ZFHX3: variants seen among roughly 807,000 people sequenced by gnomAD.
ZFHX3 encodes zinc finger homeobox protein 3.
Under a neutral mutation model 279.1 loss-of-function variants are expected in ZFHX3, and 42 were observed. The ratio of observed to expected loss-of-function variants is 0.15; its 90% confidence interval spans 0.12 to 0.19. The LOEUF (loss-of-function observed/expected upper bound fraction) is 0.19, where lower values mean the gene tolerates loss of function less well. Ranked by LOEUF, ZFHX3 falls within the 10% of genes least tolerant of loss-of-function variation. ZFHX3 has a pLI of 1.00. For missense variants in ZFHX3, 4,981 were observed against 4,754.0 expected (o/e 1.05, Z -1.40); for synonymous variants, 2,293 against 1,957.8 (o/e 1.17, Z -4.52).
chr16:73,730,324 T>C, intron 1 of ZFHX3, among the ~76,000 whole-genome samples: 1 of 92,074 alleles, frequency 1.1e-5, no homozygotes, highest in African/African-American at 4.6e-5. Context: ...CACTCAATGA[T>C]CAACCCTTGA....
At chr16:73,834,506 CTGA>C (rs1961086096) in intron 1 of ZFHX3, among the ~76,000 whole-genome samples, 2 of 152,208 alleles carry the variant, frequency 1.3e-5, no homozygotes, top group African/African-American at 4.8e-5. Flanking sequence ...CCCAGATTTA[CTGA>C]TCAGTTAAAT....
intron 4 of ZFHX3, among the ~76,000 whole-genome samples, chr16:73,266,760 G>A (rs1190603686): frequency 6.6e-6 from 1 of 152,214 alleles, no homozygotes; most frequent in Non-Finnish European, 1.5e-5. Context: ...AAGATGTCAC[G>A]GTTTTATAAG....
At chr16:73,851,743 A>G (rs531039449) in intron 1 of ZFHX3, among the ~76,000 whole-genome samples, 117 of 152,306 alleles carry the variant, frequency 7.7e-4, no homozygotes, top group African/African-American at 2.5e-3. Context: ...CTAAATTGAT[A>G]TATCTTGTGT....
rs139895950 is a variant in ZFHX3, at chr16:72,795,932, C to T, written c.6750G>A (p.Thr2250=). 1.7e-3 allele frequency: 2,796 copies of T among 1,614,098 alleles called. 4 individuals carry two copies. Among genetic ancestry groups the T allele is most frequent in the Non-Finnish European group, 1.8e-3 (2,107 of 1,180,022 alleles). The change falls in exon 9 of 10, where the codon ACG becomes ACA. Residue 2250 remains threonine (T), a synonymous_variant. Transcript: ENST00000268489. ...GSKRSSRTRF[T]DYQLRVLQDF... ...CCTGTAAGACCCTCAGCTGGTAGTC[C>T]GTAAACCTTGTTCTTGAAGACCTCT...
intron 8 of ZFHX3, among the ~76,000 whole-genome samples, chr16:73,075,717 T>A (rs1965880388): frequency 3.3e-5 from 5 of 151,774 alleles, no homozygotes. Context: ...CACTGCAACC[T>A]CCGCCTCCTG....
chr16:72,803,304 C>T (rs1221663678), intron 7 of ZFHX3, among the ~76,000 whole-genome samples: 1 of 152,132 alleles, frequency 6.6e-6, no homozygotes, highest in Non-Finnish European at 1.5e-5. Flanking sequence ...TGCACTCCAG[C>T]CTGGGCGACA....
At chr16:73,455,226 A>T (rs980942330) in intron 3 of ZFHX3, among the ~76,000 whole-genome samples, 6 of 152,236 alleles carry the variant, frequency 3.9e-5, no homozygotes, top group Non-Finnish European at 8.8e-5. Context: ...AGTTCATAAA[A>T]ATAGCACCTC....
At chr16:72,993,045 A>C (rs921988662) in intron 1 of ZFHX3, among the ~76,000 whole-genome samples, 2 of 152,250 alleles carry the variant, frequency 1.3e-5, no homozygotes, top group African/African-American at 4.8e-5. Context: ...CTGAGGCAGG[A>C]GAATCGCTTG....
At chr16:72,799,615 A>G (rs1389335155) in intron 8 of ZFHX3, among the ~76,000 whole-genome samples, 1 of 152,202 alleles carries the variant, frequency 6.6e-6, no homozygotes, top group Non-Finnish European at 1.5e-5. Flanking sequence ...AGCCAATCCC[A>G]AAAAACTCAG....
At chr16:72,895,932 A>G (rs2038889271) in intron 3 of ZFHX3, among the ~76,000 whole-genome samples, 1 of 152,236 alleles carries the variant, frequency 6.6e-6, no homozygotes, top group Non-Finnish European at 1.5e-5. Context: ...GCACCTGCAA[A>G]AGACTGGATC....
In ZFHX3 at chr16:73,134,331, C is replaced by CTTT. The variant is rs58052486; in HGVS notation, c.-1023-3240_-1023-3238dup. ...ACCTTCCGTGTTAGTCTCCCCACCT[C>CTTT]TTTTTTTTTTTTTTTTTTTTTTTTT... On this transcript the variant is annotated intron_variant, in intron 6 of 17. Transcript: ENST00000641206. Among the ~76,000 whole-genome samples the CTTT allele has an allele frequency of 1.7e-3, 88 of 50,312 alleles. 6 individuals carry two copies. Among genetic ancestry groups the CTTT allele is most frequent in the East Asian group, 8.0e-3 (13 of 1,616 alleles). 33.0% of individuals were successfully genotyped at this position (50,312 alleles called of 152,430 possible).
chr16:73,127,361 C>T, intron 7 of ZFHX3: 1 of 1,305,366 alleles, frequency 7.7e-7, no homozygotes. Context: ...AAAGTCAATT[C>T]CACTTAACTG....
intron 2 of ZFHX3, among the ~76,000 whole-genome samples, chr16:73,671,510 T>A (rs1352438425): frequency 6.6e-6 from 1 of 152,236 alleles, no homozygotes; most frequent in Non-Finnish European, 1.5e-5. Flanking sequence ...AAACCTTTAA[T>A]TTAATGCATA....
At chr16:73,663,343 G>A (rs915461114) in intron 2 of ZFHX3, among the ~76,000 whole-genome samples, 14 of 152,160 alleles carry the variant, frequency 9.2e-5, no homozygotes, top group African/African-American at 2.4e-4. Context: ...AGCAGGTCAC[G>A]ATCTAAAGAC....
At chr16:73,472,178 C>G (rs1347826433) in intron 2 of ZFHX3, among the ~76,000 whole-genome samples, 2 of 151,660 alleles carry the variant, frequency 1.3e-5, no homozygotes, top group Non-Finnish European at 2.9e-5. Flanking sequence ...TGAGAAAACA[C>G]CCAGGGAGAA....
chr16:73,265,078 C>CGT (rs72075949), intron 4 of ZFHX3, among the ~76,000 whole-genome samples: 5,832 of 145,900 alleles, frequency 0.04, 263 homozygotes, highest in African/African-American at 0.11. Context: ...CGCATATATG[C>CGT]GTGTGTGTGT....
rs776585287 is a variant in ZFHX3, at chr16:72,787,850, C to G, written c.10426G>C (p.Asp3476His). 3 of 1,613,938 alleles carry G rather than the reference C, an allele frequency of 1.9e-6. No individual in the cohort carries two copies. The Admixed American group carries it at 5.0e-5, about 27-fold the overall frequency. The change falls in exon 10 of 10, where the codon GAC becomes CAC. Residue 3476 changes from aspartate (D) to histidine (H), a missense_variant. By Grantham distance (81) the Asp-to-His change is moderately conservative. Around this residue, in one of 7 missense-constraint regions of ZFHX3, gnomAD observed 1,034 missense variants for 786.0 expected, o/e 1.32. Coordinates refer to ENST00000268489, the MANE Select transcript of ZFHX3 (RefSeq NM_006885.4). ...AGGTGGCTCCTCGCTGCCTCCTCGT[C>G]GCTGAAGCCCGCCTGGCACTTGCGG... ...VCRKCQAGFS[D>H]EEAARSHLKS... is the part of the protein sequence containing the mutation.
At chr16:73,641,446 G>A (rs1243970760) in intron 2 of ZFHX3, among the ~76,000 whole-genome samples, 4 of 152,110 alleles carry the variant, frequency 2.6e-5, no homozygotes, top group South Asian at 2.1e-4. Flanking sequence ...GATCTGACCC[G>A]ATGGAAGGTT....
At chr16:73,374,576 T>A (rs952142892) in intron 3 of ZFHX3, among the ~76,000 whole-genome samples, 3 of 152,242 alleles carry the variant, frequency 2.0e-5, no homozygotes, top group Non-Finnish European at 4.4e-5. Flanking sequence ...TCATCGAACA[T>A]CCAGGCAATA....
Sources: allele counts gnomAD v4.1 joint callset (sites outside exome capture counted in the v4.1 genomes callset), GRCh38; gene constraint gnomAD v4.1.1; regional missense constraint gnomAD v4.1.1; transcripts MANE v1.5; gene names NCBI Gene and HGNC (gene_info 2026-07-23, HGNC 2026-07-21).